Variants in PRKG2 observed in about 807,000 individuals in gnomAD.
PRKG2 encodes the protein cGMP-dependent protein kinase 2.
In PRKG2, 33 loss-of-function variants were observed where a neutral mutation model predicts 97.2. The observed-to-expected ratio is 0.34, with a 90% confidence interval of 0.26 to 0.45. The LOEUF (loss-of-function observed/expected upper bound fraction) is 0.45. PRKG2 is among the 20% of genes least tolerant of loss of function. PRKG2 has a pLI of 1.00. For synonymous variants in PRKG2, 330 were observed against 321.8 expected (o/e 1.03, Z -0.27); for missense variants, 638 against 900.0 (o/e 0.71, Z 3.73).
At chr4:81,136,057 C>T (rs2110029045) in intron 13 of PRKG2, among the ~76,000 whole-genome samples, 1 of 152,196 alleles carries the variant, frequency 6.6e-6, no homozygotes, top group African/African-American at 2.4e-5. Context: ...AGCAGTAACT[C>T]CCTTTTCTAA....
At position 81,204,567 on chromosome 4, in the gene PRKG2, A is replaced by G; in HGVS notation, c.461+20T>C. On this transcript the variant is annotated intron_variant, in intron 2 of 18. Coordinates refer to ENST00000264399, the MANE Select transcript of PRKG2 (RefSeq NM_006259.3). ...CAATATTAAGCCCATCTGAGTTTAA[A>G]GGATGCGGAAATTTCTTACCTGGAG... 6.3e-7 allele frequency: 1 copy of G among 1,597,906 alleles called. No homozygotes were observed. The highest frequency in any genetic ancestry group is 1.7e-5 in the Admixed American group (1 of 58,872).
chr4:81,171,207 C>T (rs1049806214), intron 4 of PRKG2, among the ~76,000 whole-genome samples: 1 of 151,766 alleles, frequency 6.6e-6, no homozygotes, highest in Non-Finnish European at 1.5e-5. Context: ...TGTTCCCCTC[C>T]CTGTGTCCAT....
intron 2 of PRKG2, among the ~76,000 whole-genome samples, chr4:81,181,374 T>C (rs1751394266): frequency 6.6e-6 from 1 of 151,834 alleles, no homozygotes; most frequent in Non-Finnish European, 1.5e-5. Context: ...ACTTGTAAGA[T>C]GCAGTTAAAA....
At chr4:81,179,470 T>C (rs916233645) in intron 2 of PRKG2, among the ~76,000 whole-genome samples, 4 of 152,160 alleles carry the variant, frequency 2.6e-5, no homozygotes, top group African/African-American at 9.7e-5. Flanking sequence ...AGAAGATATT[T>C]TCAAAATGTT....
intron 4 of PRKG2, among the ~76,000 whole-genome samples, chr4:81,170,979 C>A (rs1406604750): frequency 6.6e-6 from 1 of 151,956 alleles, no homozygotes; most frequent in Non-Finnish European, 1.5e-5. Flanking sequence ...TTTGGCAGAA[C>A]AAACCTTTTT....
intron 3 of PRKG2, chr4:81,174,057 A>C (rs1175744367): frequency 1.3e-5 from 2 of 152,200 alleles, no homozygotes; most frequent in Admixed American, 1.3e-4. Context: ...AAAAAAATTG[A>C]GTAGTCATTA....
At chr4:81,128,406 G>C (rs1745820958) in intron 14 of PRKG2, among the ~76,000 whole-genome samples, 1 of 152,164 alleles carries the variant, frequency 6.6e-6, no homozygotes, top group Non-Finnish European at 1.5e-5. Flanking sequence ...AGAAGGAGTG[G>C]TACCAGCTCC....
chr4:81,141,471 A>T (rs1256054081), intron 11 of PRKG2, among the ~76,000 whole-genome samples: 2 of 152,222 alleles, frequency 1.3e-5, no homozygotes, highest in African/African-American at 4.8e-5. Context: ...ATTAAATAGC[A>T]CAGATATAAG....
intron 11 of PRKG2, among the ~76,000 whole-genome samples, chr4:81,141,366 T>C (rs1747270402): frequency 6.6e-6 from 1 of 152,142 alleles, no homozygotes; most frequent in South Asian, 2.1e-4. Flanking sequence ...TGAGGTTATG[T>C]AAATTTAAAT....
At chr4:81,115,781 A>G (rs557052401) in intron 14 of PRKG2, among the ~76,000 whole-genome samples, 55 of 152,350 alleles carry the variant, frequency 3.6e-4, no homozygotes, top group Non-Finnish European at 6.9e-4. Context: ...CTCTGTAACC[A>G]GAAGAGATAA....
At chr4:81,149,843 C>T (rs58859098) in intron 8 of PRKG2, among the ~76,000 whole-genome samples, 1 of 152,092 alleles carries the variant, frequency 6.6e-6, no homozygotes, top group Admixed American at 6.6e-5. Flanking sequence ...AAAATGTTAT[C>T]GCACAAAGTG....
At chr4:81,121,738 CTTAG>C (rs991007513) in intron 14 of PRKG2, among the ~76,000 whole-genome samples, 98 of 149,714 alleles carry the variant, frequency 6.5e-4, no homozygotes, top group African/African-American at 2.2e-3. Flanking sequence ...CTTTTTTTTT[CTTAG>C]TTAATCTGGA....
intron 2 of PRKG2, among the ~76,000 whole-genome samples, chr4:81,185,907 C>T (rs1751841915): frequency 6.6e-6 from 1 of 152,144 alleles, no homozygotes; most frequent in Admixed American, 6.5e-5. Flanking sequence ...GGAATCAATG[C>T]AACAAGAAGA....
At chr4:81,172,321 C>T (rs1367145332) in intron 3 of PRKG2, among the ~76,000 whole-genome samples, 3 of 152,054 alleles carry the variant, frequency 2.0e-5, no homozygotes, top group African/African-American at 4.8e-5. Context: ...AAATTGTTCA[C>T]AATGATGGAA....
rs576128451 is a variant in PRKG2 at position 81,126,621 on chromosome 4, T to A, written c.1776+8534A>T. ...GTGGTTTTGATTTGCATTTCCCTAATGACCAGTGATGATGAGCTTTCTTTC... is the reference window on the plus strand; with the variant it reads ...GTGGTTTTGATTTGCATTTCCCTAAAGACCAGTGATGATGAGCTTTCTTTC... On this transcript the variant is annotated intron_variant, in intron 14 of 18. Coordinates refer to ENST00000264399, the MANE Select transcript of PRKG2 (RefSeq NM_006259.3). Among the ~76,000 whole-genome samples, 103 of 152,360 alleles carry A rather than the reference T, an allele frequency of 6.8e-4. 1 individual carries two copies. Among genetic ancestry groups the A allele is most frequent in the African/African-American group, 2.4e-3 (98 of 41,594 alleles).
chr4:81,092,588 C>T, intron 17 of PRKG2, 136 bp from the exon 18 acceptor site: 1 of 643,932 alleles, frequency 1.6e-6, no homozygotes, highest in Non-Finnish European at 2.7e-6. Context: ...TCTGTCATGG[C>T]TTTAAATAGC....
At chr4:81,137,589 TC>T in intron 12 of PRKG2, 107 bp from the exon 13 acceptor site, 1 of 823,970 alleles carries the variant, frequency 1.2e-6, no homozygotes, top group Non-Finnish European at 2.0e-6. Flanking sequence ...GATACTCATC[TC>T]CATATAAATA....
intron 6 of PRKG2, among the ~76,000 whole-genome samples, chr4:81,157,881 G>A (rs565125327): frequency 6.8e-6 from 1 of 146,388 alleles, no homozygotes; most frequent in Non-Finnish European, 1.5e-5. Flanking sequence ...ATTCAACAAC[G>A]CTTCACGCTA....
chr4:81,215,666 C>G (rs1189552088), upstream of PRKG2, among the ~76,000 whole-genome samples: 2 of 151,280 alleles, frequency 1.3e-5, no homozygotes, highest in African/African-American at 2.4e-5. Context: ...CAATGCCTTT[C>G]TACGAAGACA....
Sources: allele counts gnomAD v4.1 joint callset (sites outside exome capture counted in the v4.1 genomes callset), GRCh38; gene constraint gnomAD v4.1.1; transcripts MANE v1.5; gene names NCBI Gene and HGNC (gene_info 2026-07-23, HGNC 2026-07-21).